The following GPC5 variants were observed in gnomAD, a reference collection of about 807,000 sequenced individuals.
GPC5 encodes glypican-5.
Under a neutral mutation model 53.9 loss-of-function variants are expected in GPC5, and 47 were observed. The observed-to-expected ratio is 0.87, with a 90% CI of 0.69 to 1.11. The LOEUF is 1.11. Among genes scored for constraint, GPC5 ranks in the 50% most tolerant of loss-of-function variants. The pLI is 0.00. For synonymous variants in GPC5, 286 were observed against 263.3 expected, an observed-to-expected ratio of 1.09 and a Z score of -0.84; for missense variants, 748 against 713.1, an observed-to-expected ratio of 1.05 and a Z score of -0.56.
rs1166850407 is a variant in GPC5 at position 92,266,722 on chromosome 13, A to G, written c.1561+121733A>G. 2.0e-5 allele frequency among the ~76,000 whole-genome samples: 3 copies of G among 152,190 alleles called. No individual in the cohort carries two copies. The East Asian group carries it at 5.8e-4, about 29-fold the overall frequency. ...ACTAACTTAGCATCTTAAGTTTCAA[A>G]TATCATTAGCAGAAATAACATTTTT... On this transcript the variant is annotated intron_variant, in intron 7 of 7. Transcript: ENST00000377067.
At chr13:91,851,850 A>T (rs2038917671) in intron 5 of GPC5, among the ~76,000 whole-genome samples, 2 of 141,984 alleles carry the variant, frequency 1.4e-5, no homozygotes, top group Non-Finnish European at 3.0e-5. Context: ...TTATGTCTGC[A>T]TAGTATTCCA....
chr13:92,344,006 T>A (rs1057052280), intron 7 of GPC5, among the ~76,000 whole-genome samples: 2 of 152,122 alleles, frequency 1.3e-5, no homozygotes, highest in African/African-American at 4.8e-5. Context: ...AATTGTTGTT[T>A]TCCTGCCCAG....
chr13:92,255,946 T>C (rs1164465628), intron 7 of GPC5, among the ~76,000 whole-genome samples: 1 of 152,148 alleles, frequency 6.6e-6, no homozygotes, highest in African/African-American at 2.4e-5. Flanking sequence ...GTATACCTTT[T>C]TTGGGTCACT....
intron 6 of GPC5, among the ~76,000 whole-genome samples, chr13:91,947,781 G>A (rs560893036): frequency 9.2e-5 from 14 of 152,248 alleles, no homozygotes; most frequent in African/African-American, 2.9e-4. Flanking sequence ...AAGTTGGGAC[G>A]GGAAGGAGCA....
intron 5 of GPC5, among the ~76,000 whole-genome samples, chr13:91,842,454 G>A (rs1049793042): frequency 3.3e-5 from 5 of 149,398 alleles, no homozygotes; most frequent in African/African-American, 5.0e-5. Flanking sequence ...TGTAATCCTA[G>A]CACTTTGGGA....
At chr13:91,494,511 A>C (rs925363036) in intron 2 of GPC5, among the ~76,000 whole-genome samples, 3 of 152,104 alleles carry the variant, frequency 2.0e-5, no homozygotes, top group Admixed American at 6.6e-5. Flanking sequence ...AAATGTCTTT[A>C]AAAGGGCTAA....
At chr13:91,661,182 G>C (rs548932008) in intron 2 of GPC5, among the ~76,000 whole-genome samples, 1 of 152,180 alleles carries the variant, frequency 6.6e-6, no homozygotes, top group South Asian at 2.1e-4. Context: ...CCATGCAGTG[G>C]ATCTGGGTTG....
chr13:92,399,683 G>A (rs184917004), intron 7 of GPC5, among the ~76,000 whole-genome samples: 1 of 152,134 alleles, frequency 6.6e-6, no homozygotes, highest in Non-Finnish European at 1.5e-5. Context: ...ACAGCTTCAC[G>A]AGAAGCAAGT....
rs1225360610 is a variant in GPC5 at position 91,556,891 on chromosome 13, G to A, written c.325+107969G>A. Among the ~76,000 whole-genome samples the A allele has an allele frequency of 3.3e-5, 5 of 151,974 alleles. No homozygotes were observed. The East Asian group carries it at 9.7e-4, about 29-fold the overall frequency. On this transcript the variant is annotated intron_variant, in intron 2 of 7. Coordinates refer to ENST00000377067, the MANE Select transcript of GPC5 (RefSeq NM_004466.6). ...AGTATATACTGCTCGGGTGATGGGT[G>A]CACCACAATCTCACAAATTGCCACT...
At chr13:92,707,700 G>A (rs1887998236) in intron 7 of GPC5, among the ~76,000 whole-genome samples, 1 of 151,996 alleles carries the variant, frequency 6.6e-6, no homozygotes, top group South Asian at 2.1e-4. Context: ...AGGTTGTAAT[G>A]AAAACACCTT....
At chr13:92,071,868 A>G (rs1341117483) in intron 6 of GPC5, among the ~76,000 whole-genome samples, 3 of 147,096 alleles carry the variant, frequency 2.0e-5, no homozygotes, top group Non-Finnish European at 4.5e-5. Context: ...TATAATATAT[A>G]TAAATATTAT....
chr13:92,488,376 C>T (rs1879638238), intron 7 of GPC5, among the ~76,000 whole-genome samples: 1 of 152,170 alleles, frequency 6.6e-6, no homozygotes, highest in African/African-American at 2.4e-5. Context: ...TTCAGATCCA[C>T]TTCATTTCCA....
chr13:92,457,238 A>G lies in GPC5; in HGVS notation c.1561+312249A>G, dbSNP rs918703157. Among the ~76,000 whole-genome samples the G allele has an allele frequency of 1.6e-4, 25 of 151,982 alleles. No individual in the cohort carries two copies. In the South Asian group the frequency reaches 2.7e-3, roughly 16 times the overall value. ...ATAGGTATGACATTTTCTTTATCCA[A>G]TCCACCACTGACAGGCACCTAGGTT... On this transcript the variant is annotated intron_variant, in intron 7 of 7. Coordinates refer to ENST00000377067, the MANE Select transcript of GPC5 (RefSeq NM_004466.6).
intron 2 of GPC5, among the ~76,000 whole-genome samples, chr13:91,493,224 A>C (rs145622214): frequency 6.6e-6 from 1 of 152,226 alleles, no homozygotes; most frequent in Non-Finnish European, 1.5e-5. Context: ...TTGTGGGTAC[A>C]TACTAGGTGT....
chr13:92,443,089 G>A (rs1042168750), intron 7 of GPC5, among the ~76,000 whole-genome samples: 1 of 152,152 alleles, frequency 6.6e-6, no homozygotes, highest in Admixed American at 6.6e-5. Flanking sequence ...TTCTGGTGAG[G>A]CCTCAAGAAG....
At chr13:91,903,676 A>G (rs751618953) in intron 5 of GPC5, among the ~76,000 whole-genome samples, 1 of 152,110 alleles carries the variant, frequency 6.6e-6, no homozygotes. Flanking sequence ...ATTTTTCCTT[A>G]TTTATATGAC....
intron 7 of GPC5, among the ~76,000 whole-genome samples, chr13:92,648,231 A>G (rs1885838750): frequency 1.3e-5 from 2 of 152,046 alleles, no homozygotes; most frequent in Admixed American, 6.6e-5. Context: ...TACACCTCTT[A>G]TTAGATAGAA....
intron 7 of GPC5, among the ~76,000 whole-genome samples, chr13:92,330,958 C>T (rs2043284088): frequency 6.6e-6 from 1 of 152,094 alleles, no homozygotes. Flanking sequence ...ACAAAAATAC[C>T]AGGCAGTTAT....
intron 7 of GPC5, among the ~76,000 whole-genome samples, chr13:92,486,548 T>C (rs1879561332): frequency 6.6e-6 from 1 of 152,156 alleles, no homozygotes; most frequent in African/African-American, 2.4e-5. Flanking sequence ...GAAAGTGGGG[T>C]AAATTGAAAA....
Sources: allele counts gnomAD v4.1 joint callset (sites outside exome capture counted in the v4.1 genomes callset), GRCh38; gene constraint gnomAD v4.1.1; transcripts MANE v1.5; gene names NCBI Gene and HGNC (gene_info 2026-07-23, HGNC 2026-07-21).